Variants in TATDN1 observed in about 807,000 individuals in gnomAD.
TATDN1 encodes the protein deoxyribonuclease TATDN1.
Under a neutral mutation model 46.4 loss-of-function variants are expected in TATDN1, and 40 were observed. The ratio of observed to expected loss-of-function variants is 0.86; its 90% CI spans 0.67 to 1.12. The LOEUF is 1.12. Ranked by LOEUF, TATDN1 falls within the 50% of genes most tolerant of loss-of-function variation. The probability of loss-of-function intolerance (pLI) is 0.00; values close to 1 mark genes in which losing one functional copy is unlikely to be tolerated. For missense variants in TATDN1, 326 were observed against 348.4 expected, an observed-to-expected ratio of 0.94 and a Z score of 0.51; for synonymous variants, 95 against 105.6, an observed-to-expected ratio of 0.90 and a Z score of 0.62.
Position 124,518,928 on chromosome 8 carries a change from A to G in TATDN1, c.139-47T>C, listed in dbSNP as rs1819793629. 5 of 1,298,308 alleles carry G rather than the reference A, an allele frequency of 3.9e-6. No homozygotes were observed. The African/African-American group carries it at 5.9e-5, about 15-fold the overall frequency. 80.4% of individuals were successfully genotyped at this position (1,298,308 alleles called of 1,614,324 possible). ...ATAAGCTGACTTTAATAGGGCAGCA[A>G]TAACAGTTTCCTAAACATGCCTTCC... On this transcript the variant is annotated intron_variant, in intron 3 of 11. Transcript: ENST00000276692.
intron 1 of TATDN1, among the ~76,000 whole-genome samples, chr8:124,537,216 T>C (rs942448668): frequency 6.6e-6 from 1 of 152,168 alleles, no homozygotes; most frequent in Admixed American, 6.5e-5. Context: ...AAAATATAAA[T>C]ACCATACCAG....
At chr8:124,527,190 A>G (rs1159665001) in intron 1 of TATDN1, among the ~76,000 whole-genome samples, 1 of 152,262 alleles carries the variant, frequency 6.6e-6, no homozygotes, top group Non-Finnish European at 1.5e-5. Flanking sequence ...GGAGCTATGT[A>G]TATTCATGAA....
rs1339647465 is a variant in TATDN1, at chr8:124,516,574, G to C, written c.203-544C>G. On this transcript the variant is annotated intron_variant, in intron 4 of 11. Transcript: ENST00000276692. ...ATCCACCTGCCTGGCCTCCCAAAGT[G>C]CTGGGATTACAGGCCTGAGCCACCA... Among the ~76,000 whole-genome samples the C allele has an allele frequency of 1.4e-4, 22 of 152,132 alleles. No homozygotes were observed. The East Asian group carries it at 4.1e-3, about 28-fold the overall frequency.
At chr8:124,495,600 G>T in intron 9 of TATDN1, 58 bp from the exon 10 acceptor site, 1 of 1,327,656 alleles carries the variant, frequency 7.5e-7, no homozygotes, top group Non-Finnish European at 1.0e-6. Flanking sequence ...ACCTTTTTTC[G>T]TATCACAACT....
chr8:124,529,618 G>A (rs1051154538), intron 1 of TATDN1, among the ~76,000 whole-genome samples: 2 of 152,206 alleles, frequency 1.3e-5, no homozygotes, highest in African/African-American at 4.8e-5. Context: ...ATTAGCAGAT[G>A]TATTCATGCG....
Position 124,503,289 on chromosome 8 carries a change from A to C in TATDN1, c.593+982T>G, listed in dbSNP as rs973909910. 7.2e-5 allele frequency among the ~76,000 whole-genome samples: 11 copies of C among 152,326 alleles called. No homozygotes were observed. The East Asian group carries it at 1.9e-3, about 27-fold the overall frequency. On this transcript the variant is annotated intron_variant, in intron 9 of 11. Coordinates refer to ENST00000276692, the MANE Select transcript of TATDN1 (RefSeq NM_032026.4). Reference sequence around the variant, plus strand: ...AATCAAGAGACAATAGTATATGGATATTATTTAGAAATATGGTGACAAATA... The same window carrying C: ...AATCAAGAGACAATAGTATATGGATCTTATTTAGAAATATGGTGACAAATA...
Position 124,522,925 on chromosome 8 carries a change from G to C in TATDN1, c.88+12C>G, listed in dbSNP as rs778729655. ...ATAGGAAACTATTCGCCTTAATAAAGGAAATATTTACCTTGATGCTTTTGA... is the reference window on the plus strand; with the variant it reads ...ATAGGAAACTATTCGCCTTAATAAACGAAATATTTACCTTGATGCTTTTGA... On this transcript the variant is annotated intron_variant, in intron 2 of 11. Coordinates refer to ENST00000276692, the MANE Select transcript of TATDN1 (RefSeq NM_032026.4). 3 of 1,610,208 alleles carry C rather than the reference G, an allele frequency of 1.9e-6. No homozygotes were observed. In the African/African-American group the frequency reaches 4.0e-5, roughly 22 times the overall value.
Position 124,493,865 on chromosome 8 carries a change from G to A in TATDN1, c.759C>T (p.Cys253=), listed in dbSNP as rs764047148. 3.1e-6 allele frequency: 5 copies of A among 1,611,038 alleles called. No homozygotes were observed. The highest frequency in any genetic ancestry group is 3.4e-5 in the Admixed American group (2 of 59,616). Residue 253 remains cysteine, a synonymous_variant, in exon 11 of 12, where the codon TGC becomes TGT. Transcript: ENST00000276692. ...PTKKKWESGH[C]LKDRNEPCHI... ...GGCAGGGTTCATTTCTGTCTTTTAA[G>A]CAGTGCCCACTTTCCCACTTCTTTT...
chr8:124,512,910 T>C (rs1819150408), intron 6 of TATDN1, among the ~76,000 whole-genome samples: 1 of 152,094 alleles, frequency 6.6e-6, no homozygotes. Context: ...TGATTGTTAC[T>C]AGTGTGTCTT....
intron 2 of TATDN1, 99 bp from the exon 3 acceptor site, chr8:124,522,299 GA>G: frequency 1.3e-6 from 1 of 745,224 alleles, no homozygotes; most frequent in East Asian, 2.6e-5. Flanking sequence ...TTTTATATTT[GA>G]AATTATAAAC....
chr8:124,512,469 G>A (rs1819109419), intron 6 of TATDN1, among the ~76,000 whole-genome samples: 1 of 152,130 alleles, frequency 6.6e-6, no homozygotes, highest in African/African-American at 2.4e-5. Context: ...TACACTGGTT[G>A]TTCCAGATGG....
chr8:124,530,662 G>A (rs1483765330), intron 1 of TATDN1, among the ~76,000 whole-genome samples: 1 of 152,132 alleles, frequency 6.6e-6, no homozygotes, highest in Non-Finnish European at 1.5e-5. Context: ...CAGGAGTGGG[G>A]GTCATAAGCC....
At chr8:124,528,604 CTT>C (rs897665225) in intron 1 of TATDN1, among the ~76,000 whole-genome samples, 4 of 152,106 alleles carry the variant, frequency 2.6e-5, no homozygotes, top group Non-Finnish European at 4.4e-5. Flanking sequence ...AGTTTAGAGA[CTT>C]TTGTTGAGCT....
intron 1 of TATDN1, among the ~76,000 whole-genome samples, chr8:124,533,067 A>AGT (rs1821106142): frequency 6.6e-6 from 1 of 152,118 alleles, no homozygotes; most frequent in Admixed American, 6.5e-5. Flanking sequence ...CCTGGCTAAC[A>AGT]CGGTAAAACC....
intron 3 of TATDN1, among the ~76,000 whole-genome samples, chr8:124,521,442 T>C (rs1820037203): frequency 6.6e-6 from 1 of 152,158 alleles, no homozygotes; most frequent in African/African-American, 2.4e-5. Flanking sequence ...GTGACTATAA[T>C]GAGAAATTAA....
chr8:124,501,321 A>T (rs563701873), intron 9 of TATDN1, among the ~76,000 whole-genome samples: 1 of 152,320 alleles, frequency 6.6e-6, no homozygotes, highest in East Asian at 1.9e-4. Context: ...AGATCTCTAC[A>T]AACTGACATT....
intron 1 of TATDN1, among the ~76,000 whole-genome samples, chr8:124,535,098 T>G (rs1032862526): frequency 6.6e-6 from 1 of 152,194 alleles, no homozygotes; most frequent in Non-Finnish European, 1.5e-5. Context: ...TGGGAGGGAC[T>G]GAAACTTCCA....
chr8:124,501,105 GAAC>G (rs1269033013), intron 9 of TATDN1, among the ~76,000 whole-genome samples: 7 of 152,184 alleles, frequency 4.6e-5, no homozygotes, highest in Non-Finnish European at 1.0e-4. Context: ...AACAGCTGGA[GAAC>G]AACAAGCACA....
intron 4 of TATDN1, chr8:124,518,592 A>G: frequency 2.3e-6 from 1 of 425,848 alleles, no homozygotes; most frequent in Non-Finnish European, 4.2e-6. Context: ...ATTAGCTGAA[A>G]TCTTAAAATA....
Sources: gnomAD v4.1 joint callset for allele counts (sites outside exome capture counted in the v4.1 genomes callset) on GRCh38, gnomAD v4.1.1 for gene constraint, MANE v1.5 for transcripts, NCBI Gene and HGNC (gene_info 2026-07-23, HGNC 2026-07-21) for gene names.